The following SLCO2A1 variants were observed in gnomAD, a reference collection of about 807,000 sequenced individuals.
The protein encoded by SLCO2A1 is solute carrier organic anion transporter family member 2A1.
SLCO2A1 carries 60 observed loss-of-function variants against 71.7 expected under a neutral mutation model. The ratio of observed to expected loss-of-function variants is 0.84; its 90% confidence interval spans 0.68 to 1.04. The LOEUF is 1.04. Ranked by LOEUF, SLCO2A1 falls within the 50% of genes least tolerant of loss-of-function variation. The pLI is 0.00. For synonymous variants in SLCO2A1, 308 were observed against 326.7 expected (o/e 0.94, Z 0.62); for missense variants, 745 against 813.4 (o/e 0.92, Z 1.02).
intron 12 of SLCO2A1, among the ~76,000 whole-genome samples, chr3:133,937,305 A>G (rs1345911514): frequency 6.6e-6 from 1 of 152,248 alleles, no homozygotes; most frequent in Non-Finnish European, 1.5e-5. Flanking sequence ...GAGGACAGGT[A>G]GATCCTGCCG....
At chr3:134,027,337 C>T (rs1576465721) in intron 1 of SLCO2A1, among the ~76,000 whole-genome samples, 1 of 152,206 alleles carries the variant, frequency 6.6e-6, no homozygotes, top group Admixed American at 6.5e-5. Flanking sequence ...CTGACCTAAT[C>T]GGTTATGTTA....
chr3:133,995,024 A>G (rs1260747878), intron 1 of SLCO2A1, among the ~76,000 whole-genome samples: 1 of 152,160 alleles, frequency 6.6e-6, no homozygotes, highest in East Asian at 1.9e-4. Context: ...CATCTTTTAA[A>G]AATGCATAAA....
chr3:134,029,494 ACG>A (rs759606382), intron 1 of SLCO2A1, among the ~76,000 whole-genome samples: 5,187 of 122,728 alleles, frequency 0.042, 85 homozygotes, highest in Middle Eastern at 0.086. Context: ...ACACACTCGC[ACG>A]CACACACACA....
intron 1 of SLCO2A1, among the ~76,000 whole-genome samples, chr3:134,003,405 C>T (rs889204346): frequency 2.0e-5 from 3 of 152,314 alleles, no homozygotes; most frequent in African/African-American, 7.2e-5. Context: ...TGGTGATACG[C>T]TGGGCGTCTG....
chr3:133,937,913 C>T (rs1933313038), intron 12 of SLCO2A1, among the ~76,000 whole-genome samples: 1 of 152,352 alleles, frequency 6.6e-6, no homozygotes, highest in Non-Finnish European at 1.5e-5. Flanking sequence ...CCCTGGGGCA[C>T]TGCTGATCAC....
chr3:133,957,803 T>C (rs1662610334), intron 3 of SLCO2A1, among the ~76,000 whole-genome samples: 1 of 152,234 alleles, frequency 6.6e-6, no homozygotes, highest in African/African-American at 2.4e-5. Flanking sequence ...TCCCTATGTA[T>C]TCTTGAGCAA....
intron 1 of SLCO2A1, among the ~76,000 whole-genome samples, chr3:134,003,361 T>C (rs943513486): frequency 6.6e-6 from 1 of 152,252 alleles, no homozygotes; most frequent in Admixed American, 6.5e-5. Context: ...GGACACATAC[T>C]GGTAAGCCAC....
chr3:133,959,892 G>A (rs149913888), intron 3 of SLCO2A1, among the ~76,000 whole-genome samples: 3,739 of 151,902 alleles, frequency 0.025, 61 homozygotes, highest in South Asian at 0.058. Context: ...AGGCTGAGGC[G>A]GGCAGATCAC....
Position 133,942,640 on chromosome 3 carries a change from G to A in SLCO2A1, c.1590C>T (p.Cys530=). ...FLISFVSLIA[C]ISHNPLYMMV... is the part of the protein sequence containing the mutation. ...TCATGTAGAGGGGGTTGTGGGAGAT[G>A]CAGGCTATCAGGGACACGAAGGAGA... is the stretch of plus-strand genomic sequence containing the variant. Residue 530 remains cysteine (C), a synonymous_variant, in exon 11 of 14, where the codon TGC becomes TGT. Coordinates refer to ENST00000310926, the MANE Select transcript of SLCO2A1 (RefSeq NM_005630.3). The A allele has an allele frequency of 6.2e-7, 1 of 1,613,742 alleles. No individual in the cohort carries two copies.
intron 1 of SLCO2A1, among the ~76,000 whole-genome samples, chr3:134,001,103 C>T (rs1935095298): frequency 6.6e-6 from 1 of 151,924 alleles, no homozygotes; most frequent in Admixed American, 6.6e-5. Context: ...TGGGTGGGTC[C>T]ACACAGAGTC....
At chr3:133,960,515 C>G (rs542268534) in intron 3 of SLCO2A1, among the ~76,000 whole-genome samples, 1 of 152,060 alleles carries the variant, frequency 6.6e-6, no homozygotes, top group African/African-American at 2.4e-5. Context: ...TTCACAGAAA[C>G]AGAAAGTAGA....
Position 134,016,509 on chromosome 3 carries a change from C to T in SLCO2A1, c.96+13198G>A, listed in dbSNP as rs966690399. ...TGTCACTATTCATATCTATTAGAAT[C>T]GCTAAAATAAAAATTTGTAACAATA... On this transcript the variant is annotated intron_variant, in intron 1 of 13. Coordinates refer to ENST00000310926, the MANE Select transcript of SLCO2A1 (RefSeq NM_005630.3). Among the ~76,000 whole-genome samples, 6 of 152,070 alleles carry T rather than the reference C, an allele frequency of 3.9e-5. No homozygotes were observed. The South Asian group carries it at 6.2e-4, about 16-fold the overall frequency.
chr3:134,029,285 CT>C lies in SLCO2A1; in HGVS notation c.96+421del, dbSNP rs560725867. Among the ~76,000 whole-genome samples, 1,158 of 152,314 alleles carry C rather than the reference CT, an allele frequency of 7.6e-3. 25 individuals are homozygous for C. Among genetic ancestry groups the C allele is most frequent in the African/African-American group, 0.027 (1,124 of 41,562 alleles). On this transcript the variant is annotated intron_variant, in intron 1 of 13. Transcript: ENST00000310926. ...GTCCCCCAAAGCGCGGGGGGTCCCC[CT>C]GGCACCTCCAAGCCCATCCCATTGA...
At chr3:133,987,010 A>G (rs962772616) in intron 1 of SLCO2A1, among the ~76,000 whole-genome samples, 6 of 152,192 alleles carry the variant, frequency 3.9e-5, no homozygotes, top group Admixed American at 1.3e-4. Context: ...GTTATTACCT[A>G]TTTAATGACT....
chr3:134,022,078 AG>A (rs1935598255), intron 1 of SLCO2A1, among the ~76,000 whole-genome samples: 1 of 151,768 alleles, frequency 6.6e-6, no homozygotes, highest in Admixed American at 6.5e-5. Flanking sequence ...AAAAAAAAAA[AG>A]AAAAAAAGAG....
chr3:134,026,301 G>A (rs529316931), intron 1 of SLCO2A1, among the ~76,000 whole-genome samples: 4 of 151,684 alleles, frequency 2.6e-5, no homozygotes, highest in Non-Finnish European at 5.9e-5. Flanking sequence ...TGCAAACCGT[G>A]TGGACCCACC....
At chr3:134,013,781 AAC>A (rs1270968997) in intron 1 of SLCO2A1, among the ~76,000 whole-genome samples, 1 of 152,216 alleles carries the variant, frequency 6.6e-6, no homozygotes, top group Non-Finnish European at 1.5e-5. Flanking sequence ...ATTATTTGGA[AAC>A]ACATAGATTG....
intron 5 of SLCO2A1, among the ~76,000 whole-genome samples, chr3:133,952,022 A>G (rs1448280992): frequency 1.3e-5 from 2 of 152,216 alleles, no homozygotes; most frequent in Admixed American, 1.3e-4. Context: ...AAAGTCTGCC[A>G]TTGTGTTTCT....
intron 6 of SLCO2A1, among the ~76,000 whole-genome samples, chr3:133,949,892 G>A (rs1053619021): frequency 2.6e-5 from 4 of 152,096 alleles, no homozygotes; most frequent in African/African-American, 9.7e-5. Context: ...CAGTGGTGCA[G>A]TCATAGCTCA....
Sources: gnomAD v4.1 joint callset for allele counts (sites outside exome capture counted in the v4.1 genomes callset) on GRCh38, gnomAD v4.1.1 for gene constraint, MANE v1.5 for transcripts, NCBI Gene and HGNC (gene_info 2026-07-23, HGNC 2026-07-21) for gene names.